The following PDPR variants were observed in gnomAD, a reference collection of about 807,000 sequenced individuals.
PDPR encodes the protein pyruvate dehydrogenase phosphatase regulatory subunit, mitochondrial.
In PDPR, 50 loss-of-function variants were observed where a neutral mutation model predicts 102.2. That is an observed-to-expected ratio of 0.49 (90% CI 0.39 to 0.62). The LOEUF (loss-of-function observed/expected upper bound fraction) is 0.62. Ranked by LOEUF, PDPR falls within the 20% of genes least tolerant of loss-of-function variation. PDPR has a pLI of 0.00. For synonymous variants in PDPR, 259 were observed against 406.0 expected (o/e 0.64, Z 4.35); for missense variants, 625 against 1,098.2 (o/e 0.57, Z 6.09).
rs753875875 is a variant in PDPR at position 70,136,261 on chromosome 16, G to A, written c.1065G>A (p.Val355=). ...AGACTCTGGAGATCATGAAGTTGGT[G>A]AACTGCCCAGAGACCTTCACACCAG... The part of the protein sequence containing the change: ...ELETLEIMKL[V]NCPETFTPDM... The change falls in exon 10 of 19, where the codon GTG becomes GTA. Residue 355 remains valine, a synonymous_variant. Coordinates refer to ENST00000288050, the MANE Select transcript of PDPR (RefSeq NM_017990.5). 1 of 1,613,024 alleles carries A rather than the reference G, an allele frequency of 6.2e-7. No individual in the cohort carries two copies. The highest frequency in any genetic ancestry group is 2.2e-5 in the East Asian group (1 of 44,870).
At chr16:70,147,668 T>A in intron 16 of PDPR, 1 of 452,644 alleles carries the variant, frequency 2.2e-6, no homozygotes, top group Non-Finnish European at 4.4e-6. Flanking sequence ...AACGAGCAAC[T>A]TCCAGGTGGT....
rs1330914639 is a variant in PDPR at position 70,130,482 on chromosome 16, A to G, written c.667A>G (p.Thr223Ala). 5.0e-6 allele frequency: 8 copies of G among 1,613,868 alleles called. No homozygotes were observed. The highest frequency in any genetic ancestry group is 6.8e-6 in the Non-Finnish European group (8 of 1,179,760). ...LHVMVKKGQV[T>A]GVETDKGQIE... ...TGTAATGGTCAAAAAAGGTCAAGTT[A>G]CTGGAGTGGAGACCGATAAAGGACA... The change falls in exon 7 of 19, where the codon ACT becomes GCT. Residue 223 changes from threonine (T) to alanine (A), a missense_variant. Physicochemically the swap from Thr to Ala is moderately conservative, Grantham distance 58 (BLOSUM62 0). Transcript: ENST00000288050.
In PDPR at chr16:70,162,132, G is replaced by C. The variant is rs888683764; in HGVS notation, c.*5253G>C. 1.3e-5 allele frequency: 2 copies of C among 152,486 alleles called. No homozygotes were observed. The highest frequency in any genetic ancestry group is 2.9e-5 in the Non-Finnish European group (2 of 68,182). The allele number at this position is 152,486 out of a possible 1,614,324, so 9.4% of individuals were successfully genotyped here. On this transcript the variant is annotated 3_prime_UTR_variant, in exon 19 of 19. Coordinates refer to ENST00000288050, the MANE Select transcript of PDPR (RefSeq NM_017990.5). ...CGCCCCACATAGCCTCTCCTTCTTC[G>C]GAACAATGGGCGTGGGGTAGAAAGC...
chr16:70,140,620 C>T (rs1231989466), intron 11 of PDPR, among the ~76,000 whole-genome samples: 3 of 152,276 alleles, frequency 2.0e-5, no homozygotes, highest in South Asian at 2.1e-4. Context: ...GGAGGTCTGG[C>T]CTGACCAACA....
intron 2 of PDPR, among the ~76,000 whole-genome samples, chr16:70,117,993 C>T (rs1411545017): frequency 5.3e-5 from 8 of 150,856 alleles, no homozygotes; most frequent in Admixed American, 1.3e-4. Context: ...TTCAGGAGGC[C>T]GAGGCAGGAG....
In PDPR at chr16:70,142,653, T is replaced by C. The variant is rs1431407336; in HGVS notation, c.1572T>C (p.Ile524=). 1 of 1,613,950 alleles carries C rather than the reference T, an allele frequency of 6.2e-7. No individual in the cohort carries two copies. Among genetic ancestry groups the C allele is most frequent in the African/African-American group, 1.3e-5 (1 of 74,932 alleles). The change falls in exon 13 of 19, where the codon ATT becomes ATC. Residue 524 remains isoleucine (I), a synonymous_variant. Coordinates refer to ENST00000288050, the MANE Select transcript of PDPR (RefSeq NM_017990.5). The part of the protein sequence containing the change: ...VKCCKEAVCV[I]DMSSFTKFEI... ...GCTGTAAGGAAGCTGTGTGTGTCATTGACATGTCCTCTTTCACAAAGTTTG... is the reference window on the plus strand; with the variant it reads ...GCTGTAAGGAAGCTGTGTGTGTCATCGACATGTCCTCTTTCACAAAGTTTG...
At chr16:70,114,074 C>G (rs191492530), upstream of PDPR, 52 of 152,302 alleles carry the variant, frequency 3.4e-4, no homozygotes, top group South Asian at 6.2e-4. Context: ...TCCGAGGCCC[C>G]GGTTCTAAAA....
chr16:70,129,941 AACAAGGCCCATTT>A (rs1332496300), intron 6 of PDPR, among the ~76,000 whole-genome samples: 11 of 152,390 alleles, frequency 7.2e-5, no homozygotes, highest in Admixed American at 2.0e-4. Flanking sequence ...TTCAATCTTG[AACAAGGCCCATTT>A]ACATAGTCTC....
rs1030679882 is a variant in PDPR, at chr16:70,157,920, G to A, written c.*1041G>A. The A allele has an allele frequency of 4.5e-4, 69 of 154,954 alleles. No homozygotes were observed. Among genetic ancestry groups the A allele is most frequent in the Non-Finnish European group, 5.7e-4 (40 of 69,962 alleles). The allele number at this position is 154,954 out of a possible 1,614,324, so 9.6% of individuals were successfully genotyped here. On this transcript the variant is annotated 3_prime_UTR_variant, in exon 19 of 19. Transcript: ENST00000288050. Reference sequence around the variant, plus strand: ...GGGAAGGGATCAGGTGTGTTGTCCTGGGCCTTTCAACCTTGCGGGCTGTGC... The same window carrying A: ...GGGAAGGGATCAGGTGTGTTGTCCTAGGCCTTTCAACCTTGCGGGCTGTGC...
At chr16:70,118,989 A>G (rs1053562280) in intron 2 of PDPR, among the ~76,000 whole-genome samples, 5 of 152,076 alleles carry the variant, frequency 3.3e-5, no homozygotes, top group African/African-American at 4.8e-5. Flanking sequence ...CTGGCAGTGG[A>G]GGCGGTAAGG....
At chr16:70,135,104 A>T (rs546701619) in intron 9 of PDPR, among the ~76,000 whole-genome samples, 44 of 152,324 alleles carry the variant, frequency 2.9e-4, no homozygotes, top group African/African-American at 8.7e-4. Context: ...ATGAGCCCCC[A>T]TGTACCCATT....
Position 70,159,474 on chromosome 16 carries a change from A to C in PDPR, c.*2595A>C, listed in dbSNP as rs1967570135. Reference sequence around the variant, plus strand: ...ATCACTTGTTTATTCAGTGCCCCAAACACAGATTTCTCTTCTAGCACTTTA... The same window carrying C: ...ATCACTTGTTTATTCAGTGCCCCAACCACAGATTTCTCTTCTAGCACTTTA... On this transcript the variant is annotated 3_prime_UTR_variant, in exon 19 of 19. Transcript: ENST00000288050. 6.6e-6 allele frequency: 1 copy of C among 152,656 alleles called. No homozygotes were observed. Among genetic ancestry groups the C allele is most frequent in the African/African-American group, 2.4e-5 (1 of 41,484 alleles). The allele number at this position is 152,656 out of a possible 1,614,324, so 9.5% of individuals were successfully genotyped here. A position where few individuals can be genotyped will look rare whatever the true frequency, so the allele number is the denominator to read the frequency against.
intron 9 of PDPR, among the ~76,000 whole-genome samples, chr16:70,133,063 G>C (rs1205711306): frequency 6.8e-6 from 1 of 148,014 alleles, no homozygotes; most frequent in East Asian, 2.1e-4. Context: ...TCCTGCCTCA[G>C]CTTCCCAAAG....
intron 15 of PDPR, chr16:70,145,891 G>A (rs1036052594): frequency 3.9e-6 from 2 of 514,966 alleles, no homozygotes; most frequent in African/African-American, 3.9e-5. Flanking sequence ...AAAAGGAGGA[G>A]AACGGGAATT....
At chr16:70,126,603 T>C (rs1963996967) in intron 3 of PDPR, among the ~76,000 whole-genome samples, 1 of 152,282 alleles carries the variant, frequency 6.6e-6, no homozygotes, top group African/African-American at 2.4e-5. Flanking sequence ...GACCTTGTGA[T>C]CCGCCCACCT....
In PDPR at chr16:70,115,745, T is replaced by G. The variant is rs1567513005; in HGVS notation, c.-33+815T>G. 1.3e-5 allele frequency among the ~76,000 whole-genome samples: 2 copies of G among 152,094 alleles called. 1 individual carries two copies. The highest frequency in any genetic ancestry group is 3.9e-4 in the East Asian group (2 of 5,170). ...AGAGCCAGCTGCAGTCTTATGGTTG[T>G]TTAGCAGAAGTTATTCTTCTTAGCA... On this transcript the variant is annotated intron_variant, in intron 2 of 18. Coordinates refer to ENST00000288050, the MANE Select transcript of PDPR (RefSeq NM_017990.5).
chr16:70,133,865 C>A (rs1197708766), intron 9 of PDPR, among the ~76,000 whole-genome samples: 2 of 152,192 alleles, frequency 1.3e-5, no homozygotes, highest in African/African-American at 4.8e-5. Context: ...TCCTGAGTAG[C>A]TGGGATTACA....
rs1967606548 is a variant in PDPR at position 70,159,757 on chromosome 16, TC to T, written c.*2879del. ...TCTGGACTCCTGAGAGGCAGTGGCC[TC>T]TTGAGTGAACAGGGGAGGCCAGTAG... On this transcript the variant is annotated 3_prime_UTR_variant, in exon 19 of 19. Coordinates refer to ENST00000288050, the MANE Select transcript of PDPR (RefSeq NM_017990.5). 6.5e-6 allele frequency: 1 copy of T among 152,724 alleles called. No individual in the cohort carries two copies. Among genetic ancestry groups the T allele is most frequent in the Non-Finnish European group, 1.5e-5 (1 of 68,406 alleles). 9.5% of individuals were successfully genotyped at this position (152,724 alleles called of 1,614,324 possible). A position where few individuals can be genotyped will look rare whatever the true frequency, so the allele number is the denominator to read the frequency against.
At chr16:70,155,530 C>T (rs187551169) in intron 18 of PDPR, among the ~76,000 whole-genome samples, 331 of 152,180 alleles carry the variant, frequency 2.2e-3, no homozygotes, top group Non-Finnish European at 1.6e-3. Flanking sequence ...GGGAGAATCA[C>T]TTGAGCATGA....
Sources: gnomAD v4.1 joint callset for allele counts (sites outside exome capture counted in the v4.1 genomes callset) on GRCh38, gnomAD v4.1.1 for gene constraint, MANE v1.5 for transcripts, NCBI Gene and HGNC (gene_info 2026-07-23, HGNC 2026-07-21) for gene names.